The following ADCY8 variants were observed in gnomAD, a reference collection of about 807,000 sequenced individuals.
The protein encoded by ADCY8 is adenylate cyclase type 8.
ADCY8 carries 51 observed loss-of-function variants against 119.7 expected under a neutral mutation model. That is an observed-to-expected ratio of 0.43 (90% confidence interval 0.34 to 0.54). ADCY8 has a LOEUF of 0.54. ADCY8 is among the 20% of genes least tolerant of loss of function. The pLI is 0.03. For missense variants in ADCY8, 1,383 were observed against 1,598.8 expected (o/e 0.87, Z 2.30); for synonymous variants, 665 against 651.0 (o/e 1.02, Z -0.33).
chr8:130,810,977 A>T, intron 14 of ADCY8, among the ~76,000 whole-genome samples: 1 of 150,530 alleles, frequency 6.6e-6, no homozygotes, highest in African/African-American at 2.5e-5. Flanking sequence ...TTCTCTTTGG[A>T]TTTTACATGT....
intron 12 of ADCY8, among the ~76,000 whole-genome samples, chr8:130,827,023 C>A (rs937713963): frequency 2.0e-5 from 3 of 152,002 alleles, no homozygotes; most frequent in African/African-American, 7.2e-5. Context: ...ATGTAACAAA[C>A]CTGCACATTG....
intron 11 of ADCY8, among the ~76,000 whole-genome samples, chr8:130,847,184 G>A (rs1817356973): frequency 6.6e-6 from 1 of 151,930 alleles, no homozygotes; most frequent in Non-Finnish European, 1.5e-5. Context: ...AATGAGGAAG[G>A]GGTGAAGATG....
At chr8:130,959,343 G>T (rs1340029707) in intron 2 of ADCY8, among the ~76,000 whole-genome samples, 3 of 152,056 alleles carry the variant, frequency 2.0e-5, no homozygotes, top group African/African-American at 7.2e-5. Context: ...AAATGGGTGA[G>T]TATAGATACC....
chr8:130,962,431 A>G (rs1821632282), intron 2 of ADCY8, among the ~76,000 whole-genome samples: 2 of 152,312 alleles, frequency 1.3e-5, no homozygotes, highest in East Asian at 3.9e-4. Flanking sequence ...TTGTGCTCAC[A>G]TTCTGCACAT....
At chr8:130,885,630 C>A (rs2130465755) in intron 7 of ADCY8, among the ~76,000 whole-genome samples, 1 of 149,894 alleles carries the variant, frequency 6.7e-6, no homozygotes, top group South Asian at 2.1e-4. Context: ...TCACTCACAG[C>A]ACCAATTTAA....
chr8:130,890,061 G>C (rs1472734699), intron 7 of ADCY8, among the ~76,000 whole-genome samples: 1 of 151,994 alleles, frequency 6.6e-6, no homozygotes, highest in Non-Finnish European at 1.5e-5. Flanking sequence ...CCGGCACCTG[G>C]TATATCTGCT....
At position 130,836,288 on chromosome 8, in the gene ADCY8, G is replaced by A. The variant is rs1017681587; in HGVS notation, c.2664C>T (p.Asn888=). The A allele has an allele frequency of 6.2e-7, 1 of 1,613,104 alleles. No homozygotes were observed. Among genetic ancestry groups the A allele is most frequent in the African/African-American group, 1.3e-5 (1 of 74,994 alleles). The change falls in exon 12 of 18, where the codon AAC becomes AAT. Residue 888 remains asparagine (N), a synonymous_variant. Transcript: ENST00000286355. ...AGLFLRYDNL[N]HSGEDFLGTK... is the part of the protein sequence containing the mutation. Reference sequence around the variant, plus strand: ...TGGTGGGCACTTACTCTCCACTGTGGTTGAGGTTGTCATAACGCAGAAAGA... The same window carrying A: ...TGGTGGGCACTTACTCTCCACTGTGATTGAGGTTGTCATAACGCAGAAAGA...
chr8:130,913,274 A>G (rs1405181772), intron 5 of ADCY8, among the ~76,000 whole-genome samples: 1 of 152,102 alleles, frequency 6.6e-6, no homozygotes, highest in Non-Finnish European at 1.5e-5. Flanking sequence ...CTATCAAATA[A>G]TAAGTTTTAT....
intron 5 of ADCY8, among the ~76,000 whole-genome samples, chr8:130,936,420 A>T (rs1004382897): frequency 6.6e-6 from 1 of 152,166 alleles, no homozygotes; most frequent in Non-Finnish European, 1.5e-5. Flanking sequence ...ACCTCTTAAC[A>T]TGACTGAGAA....
Position 131,040,234 on chromosome 8 carries a change from G to C in ADCY8, c.100C>G (p.Gln34Glu). The change falls in exon 1 of 18, where the codon CAG becomes GAG. Residue 34 changes from glutamine to glutamate, a missense_variant. This residue lies in a region of ADCY8 where 455 missense variants were observed against 435.3 expected (regional missense o/e 1.05). Coordinates refer to ENST00000286355, the MANE Select transcript of ADCY8 (RefSeq NM_001115.3). ...ACCGCCGTCTGCCACAGCAGCCGCTGCGGCCGGGAGGCGCTCCTGCCGTCG... is the reference window on the plus strand; with the variant it reads ...ACCGCCGTCTGCCACAGCAGCCGCTCCGGCCGGGAGGCGCTCCTGCCGTCG... Reference protein sequence around the residue: ...AGDGRSASRPQRLLWQTAVRH... With the variant: ...AGDGRSASRPERLLWQTAVRH... 2 of 1,543,950 alleles carry C rather than the reference G, an allele frequency of 1.3e-6. No individual in the cohort carries two copies. Among genetic ancestry groups the C allele is most frequent in the East Asian group, 4.8e-5 (2 of 41,340 alleles).
Position 131,040,404 on chromosome 8 carries a change from A to C in ADCY8, c.-71T>G. On this transcript the variant is annotated 5_prime_UTR_variant, in exon 1 of 18. Coordinates refer to ENST00000286355, the MANE Select transcript of ADCY8 (RefSeq NM_001115.3). ...CCGGAGGAGGGGTTCCTAAAGACTC[A>C]AAGGCGGCCTGGTAGGAGCTTGGCA... 8.1e-5 allele frequency: 114 copies of C among 1,409,998 alleles called. No individual in the cohort carries two copies. The highest frequency in any genetic ancestry group is 9.8e-5 in the Non-Finnish European group (107 of 1,087,588). 87.3% of individuals were successfully genotyped at this position (1,409,998 alleles called of 1,614,324 possible).
chr8:130,814,545 T>A (rs7826893), intron 13 of ADCY8, among the ~76,000 whole-genome samples: 3,090 of 152,270 alleles, frequency 0.02, 104 homozygotes, highest in African/African-American at 0.071. Flanking sequence ...ATTCTCGTGG[T>A]GCTAATCAAA....
intron 14 of ADCY8, among the ~76,000 whole-genome samples, chr8:130,804,220 A>G (rs1047844453): frequency 5.3e-5 from 8 of 152,172 alleles, no homozygotes; most frequent in Non-Finnish European, 5.9e-5. Flanking sequence ...TAAACAACAG[A>G]TGTTAGTTTT....
At chr8:130,944,692 G>A (rs1821057017) in intron 3 of ADCY8, among the ~76,000 whole-genome samples, 1 of 152,090 alleles carries the variant, frequency 6.6e-6, no homozygotes, top group African/African-American at 2.4e-5. Context: ...CACTTAAAGG[G>A]ATTTTTACCT....
chr8:131,027,325 T>TCCTAG (rs1039740475), intron 1 of ADCY8, among the ~76,000 whole-genome samples: 10 of 152,192 alleles, frequency 6.6e-5, no homozygotes, highest in African/African-American at 2.4e-4. Context: ...GCAAGGAAGG[T>TCCTAG]AAACAATTGT....
chr8:130,931,079 T>A (rs1820616381), intron 5 of ADCY8, among the ~76,000 whole-genome samples: 1 of 152,234 alleles, frequency 6.6e-6, no homozygotes, highest in African/African-American at 2.4e-5. Context: ...AGCATCCTTT[T>A]CTTTCAGCTA....
chr8:130,975,069 G>C (rs1445528012), intron 2 of ADCY8, among the ~76,000 whole-genome samples: 1 of 152,190 alleles, frequency 6.6e-6, no homozygotes, highest in Non-Finnish European at 1.5e-5. Flanking sequence ...TCTATCAAGA[G>C]AGAATTTCAC....
chr8:130,869,518 G>GT (rs141048498), intron 8 of ADCY8, among the ~76,000 whole-genome samples: 97 of 118,658 alleles, frequency 8.2e-4, no homozygotes, highest in African/African-American at 2.3e-3. Flanking sequence ...ATTTTTTTTT[G>GT]TTTTTTTGTT....
At position 130,990,171 on chromosome 8, in the gene ADCY8, T is replaced by G. The variant is rs112580101; in HGVS notation, c.1110+222A>C. ...AGAAAATAAATTTGTGACTGTAACC[T>G]CTTTATTTCTTATGGGGAACGATGA... On this transcript the variant is annotated intron_variant, in intron 2 of 17. Coordinates refer to ENST00000286355, the MANE Select transcript of ADCY8 (RefSeq NM_001115.3). Among the ~76,000 whole-genome samples, 1,063 of 152,336 alleles carry G rather than the reference T, an allele frequency of 7.0e-3. 17 individuals carry two copies. Among genetic ancestry groups the G allele is most frequent in the African/African-American group, 0.024 (987 of 41,578 alleles).
Sources: gnomAD v4.1 joint callset for allele counts (sites outside exome capture counted in the v4.1 genomes callset) on GRCh38, gnomAD v4.1.1 for gene constraint, gnomAD v4.1.1 regional missense constraint, MANE v1.5 for transcripts, NCBI Gene and HGNC (gene_info 2026-07-23, HGNC 2026-07-21) for gene names.